The following KIF5C variants were observed in gnomAD, a reference collection of about 807,000 sequenced individuals.
KIF5C encodes the protein kinesin heavy chain isoform 5C.
KIF5C carries 18 observed loss-of-function variants against 125.2 expected under a neutral mutation model. The ratio of observed to expected loss-of-function variants is 0.14; its 90% CI spans 0.10 to 0.21. KIF5C has a LOEUF of 0.21. KIF5C is among the 10% of genes least tolerant of loss of function. KIF5C has a pLI of 1.00. For synonymous variants in KIF5C, 405 were observed against 434.0 expected, an observed-to-expected ratio of 0.93 and a Z score of 0.83; for missense variants, 780 against 1,183.8, an observed-to-expected ratio of 0.66 and a Z score of 5.01.
intron 11 of KIF5C, among the ~76,000 whole-genome samples, chr2:148,968,006 A>T (rs1191072205): frequency 6.6e-6 from 1 of 152,146 alleles, no homozygotes; most frequent in African/African-American, 2.4e-5. Flanking sequence ...TGTTGCTGCC[A>T]GGTCAGTCTT....
In KIF5C at chr2:148,996,165, T is replaced by C. The variant is rs145795731; in HGVS notation, c.2024-1099T>C. Among the ~76,000 whole-genome samples, 500 of 152,080 alleles carry C rather than the reference T, an allele frequency of 3.3e-3. 2 individuals carry two copies. Among genetic ancestry groups the C allele is most frequent in the African/African-American group, 0.011 (461 of 41,508 alleles). On this transcript the variant is annotated intron_variant, in intron 17 of 25. Transcript: ENST00000435030. ...ACAAGACTCCATCTTGAAAAAAAAG[T>C]GAATGGATGCTTGTGTTCCTAAAAA...
intron 11 of KIF5C, 115 bp downstream of exon 11, chr2:148,962,234 T>G (rs1682944834): frequency 1.4e-6 from 2 of 1,395,868 alleles, no homozygotes; most frequent in Non-Finnish European, 1.9e-6. Context: ...GGCGTGATCT[T>G]GGCTCACCGC....
intron 12 of KIF5C, among the ~76,000 whole-genome samples, chr2:148,978,628 G>A (rs1001682548): frequency 6.6e-6 from 1 of 152,096 alleles, no homozygotes; most frequent in Non-Finnish European, 1.5e-5. Flanking sequence ...TATCTCTAAC[G>A]TCCCTTTCAG....
chr2:148,932,248 A>G (rs778629688), intron 3 of KIF5C, among the ~76,000 whole-genome samples: 1 of 152,052 alleles, frequency 6.6e-6, no homozygotes, highest in Non-Finnish European at 1.5e-5. Flanking sequence ...GGGGATGTTA[A>G]CTCCCTGAGT....
In KIF5C at chr2:148,991,077, A is replaced by G. The variant is rs1681511482; in HGVS notation, c.1784A>G (p.Lys595Arg). The G allele has an allele frequency of 6.2e-7, 1 of 1,613,862 alleles. No homozygotes were observed. Among genetic ancestry groups the G allele is most frequent in the Non-Finnish European group, 8.5e-7 (1 of 1,179,850 alleles). ...GCCCGCCTGTACATCAGCAAGATGAAGTCAGAGGTCAAGTCCCTGGTGAAC... is the reference window on the plus strand; with the variant it reads ...GCCCGCCTGTACATCAGCAAGATGAGGTCAGAGGTCAAGTCCCTGGTGAAC... ...TMARLYISKM[K>R]SEVKSLVNRS... Residue 595 changes from lysine to arginine, a missense_variant, in exon 16 of 26, where the codon AAG (lysine) becomes AGG (arginine). Coordinates refer to ENST00000435030, the MANE Select transcript of KIF5C (RefSeq NM_004522.3).
chr2:149,008,990 T>TG (rs1491116704), intron 23 of KIF5C, among the ~76,000 whole-genome samples: 18 of 144,818 alleles, frequency 1.2e-4, no homozygotes, highest in South Asian at 4.3e-4. Flanking sequence ...TTTTTTTTAA[T>TG]GTTTTTTTTT....
chr2:148,983,908 G>T, intron 15 of KIF5C, 142 bp downstream of exon 15: 2 of 1,204,744 alleles, frequency 1.7e-6, no homozygotes, highest in Non-Finnish European at 2.1e-6. Flanking sequence ...AATGAAAAAA[G>T]GGCTAATTGA....
At chr2:148,998,960 C>G in intron 19 of KIF5C, 1 of 157,704 alleles carries the variant, frequency 6.3e-6, no homozygotes, top group Non-Finnish European at 1.4e-5. Flanking sequence ...TCCCCCTACA[C>G]ATACACGCTC....
At chr2:148,937,462 G>A in intron 4 of KIF5C, 74 bp downstream of exon 4, 4 of 1,499,544 alleles carry the variant, frequency 2.7e-6, no homozygotes, top group Non-Finnish European at 3.6e-6. Flanking sequence ...CTCCTTTCAA[G>A]AAGATATAAA....
intron 25 of KIF5C, among the ~76,000 whole-genome samples, chr2:149,021,872 G>C (rs2105216037): frequency 6.6e-6 from 1 of 152,050 alleles, no homozygotes; most frequent in Admixed American, 6.5e-5. Flanking sequence ...CATGAGCTCT[G>C]CACAAAACCT....
chr2:148,981,248 CT>C (rs1681227299), intron 13 of KIF5C, 106 bp from the exon 14 acceptor site: 3 of 1,431,102 alleles, frequency 2.1e-6, no homozygotes, highest in Non-Finnish European at 2.7e-6. Context: ...ACTTTTTCAA[CT>C]TGTTTTCTTA....
intron 21 of KIF5C, among the ~76,000 whole-genome samples, chr2:149,002,305 C>T (rs766348737): frequency 1.1e-4 from 17 of 152,292 alleles, no homozygotes; most frequent in Admixed American, 2.6e-4. Context: ...TAGCCATCCA[C>T]GCTCTCTTTC....
intron 1 of KIF5C, among the ~76,000 whole-genome samples, chr2:148,900,289 C>G (rs1054926175): frequency 1.3e-5 from 2 of 152,172 alleles, no homozygotes; most frequent in African/African-American, 4.8e-5. Flanking sequence ...ACACTCTTTT[C>G]CAATAACCCA....
Position 148,942,769 on chromosome 2 carries a change from G to T in KIF5C, c.589+9G>T. On this transcript the variant is annotated intron_variant, in intron 7 of 25. Coordinates refer to ENST00000435030, the MANE Select transcript of KIF5C (RefSeq NM_004522.3). ...ACACGTGGCTGTGACAAGTAAGCATGGTGGGGGTGTTTCCTCCCCTGCAGC... is the reference window on the plus strand; with the variant it reads ...ACACGTGGCTGTGACAAGTAAGCATTGTGGGGGTGTTTCCTCCCCTGCAGC... 1.2e-6 allele frequency: 2 copies of T among 1,605,312 alleles called. No individual in the cohort carries two copies. The highest frequency in any genetic ancestry group is 1.7e-5 in the Admixed American group (1 of 58,794).
In KIF5C at chr2:149,010,291, C is replaced by G. The variant is rs1017774533; in HGVS notation, c.2707C>G (p.Arg903Gly). ...DRKRYQQEVD[R>G]IKEAVRAKNM... Reference sequence around the variant, plus strand: ...TAAGCGCTACCAGCAGGAGGTGGATCGTATCAAGGAGGCCGTGCGGGCCAA... The same window carrying G: ...TAAGCGCTACCAGCAGGAGGTGGATGGTATCAAGGAGGCCGTGCGGGCCAA... The change falls in exon 24 of 26, where the codon CGT (arginine) becomes GGT (glycine). Residue 903 changes from arginine (R) to glycine (G), a missense_variant. Coordinates refer to ENST00000435030, the MANE Select transcript of KIF5C (RefSeq NM_004522.3). 6.3e-7 allele frequency: 1 copy of G among 1,596,946 alleles called. No homozygotes were observed. Among genetic ancestry groups the G allele is most frequent in the Non-Finnish European group, 8.5e-7 (1 of 1,172,090 alleles).
intron 1 of KIF5C, among the ~76,000 whole-genome samples, chr2:148,920,315 C>T (rs1483174377): frequency 2.6e-5 from 4 of 152,142 alleles, no homozygotes; most frequent in African/African-American, 9.7e-5. Flanking sequence ...CAGACAAACT[C>T]TGCAAATATT....
chr2:149,014,662 A>G (rs1682308121), intron 25 of KIF5C, among the ~76,000 whole-genome samples: 1 of 152,248 alleles, frequency 6.6e-6, no homozygotes, highest in African/African-American at 2.4e-5. Context: ...AAATGAGGTC[A>G]TGCTTCTAAG....
In KIF5C at chr2:148,924,980, G is replaced by C. The variant is rs1025687421; in HGVS notation, c.217+2753G>C. Among the ~76,000 whole-genome samples, 1 of 152,218 alleles carries C rather than the reference G, an allele frequency of 6.6e-6. No individual in the cohort carries two copies. Among genetic ancestry groups the C allele is most frequent in the African/African-American group, 2.4e-5 (1 of 41,460 alleles). Reference sequence around the variant, plus strand: ...GCAAGGAGCTTTGAGTACAGGGAAAGAGACAGATGTGTACATAATCATCAC... The same window carrying C: ...GCAAGGAGCTTTGAGTACAGGGAAACAGACAGATGTGTACATAATCATCAC... On this transcript the variant is annotated intron_variant, in intron 2 of 25. Coordinates refer to ENST00000435030, the MANE Select transcript of KIF5C (RefSeq NM_004522.3). This position sits in a 1 kb window ranked among gnomAD's most constrained non-coding sequence, Gnocchi z 4.0.
In KIF5C at chr2:148,875,576, C is replaced by CCCCCCCCCCCTCCCCCTG; in HGVS notation, c.-37_-36insCCCCCTCCCCCTGCCCCC. 3 of 549,552 alleles carry CCCCCCCCCCCTCCCCCTG rather than the reference C, an allele frequency of 5.5e-6. No individual in the cohort carries two copies. The highest frequency in any genetic ancestry group is 1.6e-5 in the South Asian group (1 of 61,732). 34.0% of individuals were successfully genotyped at this position (549,552 alleles called of 1,614,324 possible). Reference sequence around the variant, plus strand: ...CCTCCCTCGTCGTTCCCGGCCCCGGCCCCCCACCCATCCCCGTGCCCCCTC... The same window carrying CCCCCCCCCCCTCCCCCTG: ...CCTCCCTCGTCGTTCCCGGCCCCGGCCCCCCCCCCCTCCCCCTGCCCCCACCCATCCCCGTGCCCCCTC... On this transcript the variant is annotated 5_prime_UTR_variant, in exon 1 of 26. Coordinates refer to ENST00000435030, the MANE Select transcript of KIF5C (RefSeq NM_004522.3).
Sources: gnomAD v4.1 joint callset for allele counts (sites outside exome capture counted in the v4.1 genomes callset) on GRCh38, gnomAD v4.1.1 for gene constraint, Gnocchi (gnomAD v3.1) non-coding constraint, MANE v1.5 for transcripts, NCBI Gene and HGNC (gene_info 2026-07-23, HGNC 2026-07-21) for gene names.